Variants in STRA8 observed in about 807,000 individuals in gnomAD.
The protein encoded by STRA8 is stimulated by retinoic acid gene 8 protein homolog.
STRA8 carries 18 observed loss-of-function variants against 37.1 expected under a neutral mutation model. The observed-to-expected ratio is 0.48, with a 90% CI of 0.34 to 0.72. The LOEUF (loss-of-function observed/expected upper bound fraction) is 0.72, where lower values mean the gene tolerates loss of function less well. Among genes scored for constraint, STRA8 ranks in the 30% least tolerant of loss-of-function variants. The probability of loss-of-function intolerance (pLI) is 0.01; values close to 1 mark genes in which losing one functional copy is unlikely to be tolerated. For synonymous variants in STRA8, 168 were observed against 162.9 expected (o/e 1.03, Z -0.24); for missense variants, 357 against 410.4 (o/e 0.87, Z 1.13).
rs372327745 is a variant in STRA8, at chr7:135,246,399, G to A, written c.594-18G>A. 269 of 1,589,674 alleles carry A rather than the reference G, an allele frequency of 1.7e-4. 1 individual carries two copies. Among genetic ancestry groups the A allele is most frequent in the Non-Finnish European group, 2.1e-4 (249 of 1,166,760 alleles). ...GAGGGAGCTTTAGGGGTGCGAGACG[G>A]CGCCGCTTCTGTTCCAGGTATCTCA... On this transcript the variant is annotated intron_variant, in intron 5 of 8. Transcript: ENST00000662584. The surrounding 1 kb of genome is among the most constrained non-coding windows in gnomAD (Gnocchi z 5.4).
chr7:135,251,933 C>T, intron 7 of STRA8, 64 bp downstream of exon 7: 1 of 1,500,254 alleles, frequency 6.7e-7, no homozygotes, highest in Non-Finnish European at 9.3e-7. Flanking sequence ...TGTGTGTGCG[C>T]AGGTGTGTAT....
In STRA8 at chr7:135,240,683, A is replaced by G. The variant is rs1163332913; in HGVS notation, c.159A>G (p.Thr53=). The change falls in exon 2 of 9, where the codon ACA becomes ACG. Residue 53 remains threonine, a synonymous_variant. Transcript: ENST00000662584. ...LAALFNNLRK[T]VYSQSDLIAS... is the part of the protein sequence containing the mutation. ...CGCTCTTCAACAACCTCAGGAAGAC[A>G]GTGTACTCTCAGTCTGATCTCATAG... 6.2e-7 allele frequency: 1 copy of G among 1,613,886 alleles called. No individual in the cohort carries two copies. The highest frequency in any genetic ancestry group is 8.5e-7 in the Non-Finnish European group (1 of 1,179,972).
At chr7:135,240,741 G>C (rs776837782) in intron 2 of STRA8, 25 bp downstream of exon 2, 1 of 1,611,644 alleles carries the variant, frequency 6.2e-7, no homozygotes, top group South Asian at 1.1e-5. Context: ...AGGAGGAGAG[G>C]GGACATCTCC....
At chr7:135,252,982 T>G (rs192772980) in intron 7 of STRA8, among the ~76,000 whole-genome samples, 1 of 152,102 alleles carries the variant, frequency 6.6e-6, no homozygotes, top group Admixed American at 6.5e-5. Context: ...TCACCCAGGC[T>G]GGAGTGCAGT....
intron 2 of STRA8, 147 bp downstream of exon 2, chr7:135,240,863 A>G (rs926246664): frequency 4.6e-6 from 4 of 868,534 alleles, no homozygotes; most frequent in Non-Finnish European, 7.0e-6. Flanking sequence ...AGGGTAATTT[A>G]TAAACAACAG....
intron 1 of STRA8, among the ~76,000 whole-genome samples, chr7:135,236,114 A>G (rs1224623075): frequency 6.9e-6 from 1 of 144,920 alleles, no homozygotes; most frequent in Non-Finnish European, 1.5e-5. Context: ...AAGAAATAGG[A>G]AAAAAAAAAA....
At chr7:135,238,956 C>T (rs1226328520) in intron 1 of STRA8, among the ~76,000 whole-genome samples, 2 of 152,152 alleles carry the variant, frequency 1.3e-5, no homozygotes, top group Non-Finnish European at 2.9e-5. Context: ...GAGACATGCA[C>T]GGACCAGCAT....
chr7:135,232,189 G>A (rs895517053), upstream of STRA8: 4 of 748,788 alleles, frequency 5.3e-6, no homozygotes, highest in African/African-American at 6.9e-5. Flanking sequence ...ACCACTCTGT[G>A]TCATCTTGGT....
chr7:135,248,318 T>G (rs1832594030), intron 6 of STRA8, among the ~76,000 whole-genome samples: 1 of 152,202 alleles, frequency 6.6e-6, no homozygotes, highest in Admixed American at 6.5e-5. Context: ...TTTTTTCACA[T>G]TACTCTGCCC....
At chr7:135,235,925 A>G (rs1832369405) in intron 1 of STRA8, among the ~76,000 whole-genome samples, 1 of 152,088 alleles carries the variant, frequency 6.6e-6, no homozygotes, top group African/African-American at 2.4e-5. Context: ...CCCGGGCAAC[A>G]TAGTGAGACC....
chr7:135,248,248 G>A (rs990653659), intron 6 of STRA8, among the ~76,000 whole-genome samples: 1 of 152,248 alleles, frequency 6.6e-6, no homozygotes, highest in African/African-American at 2.4e-5. Context: ...CTAACCAGCA[G>A]TGTGACTTGC....
chr7:135,258,424 T>A lies in STRA8; in HGVS notation c.1072T>A (p.Ser358Thr). The A allele has an allele frequency of 1.2e-6, 2 of 1,603,452 alleles. No individual in the cohort carries two copies. ...TCCACCCTGTGTCTTGCAGGAAGCA[T>A]CCTTTCCCGTTGATGAAGAGATGAT... ...CANTQVKQEASFPVDEEMIML... is the reference protein window; with the variant it reads ...CANTQVKQEATFPVDEEMIML... Residue 358 changes from serine to threonine, a missense_variant, in exon 9 of 9, where the codon TCC becomes ACC. Physicochemically the swap from Ser to Thr is moderately conservative, Grantham distance 58. Transcript: ENST00000662584.
intron 1 of STRA8, among the ~76,000 whole-genome samples, chr7:135,237,211 G>C (rs1199341894): frequency 6.6e-6 from 1 of 152,192 alleles, no homozygotes; most frequent in East Asian, 1.9e-4. Context: ...GGGAGATTCT[G>C]AGTTTTCAAG....
At chr7:135,235,413 C>T (rs569927947) in intron 1 of STRA8, among the ~76,000 whole-genome samples, 10 of 142,132 alleles carry the variant, frequency 7.0e-5, no homozygotes, top group Admixed American at 5.7e-4. Flanking sequence ...TTTTTTATTG[C>T]TCCAGATACT....
At position 135,240,628 on chromosome 7, in the gene STRA8, C is replaced by A; in HGVS notation, c.104C>A (p.Ser35Tyr). 6.2e-7 allele frequency: 1 copy of A among 1,614,118 alleles called. No individual in the cohort carries two copies. The highest frequency in any genetic ancestry group is 1.6e-4 in the Middle Eastern group (1 of 6,062). Residue 35 changes from serine (S) to tyrosine (Y), a missense_variant, in exon 2 of 9, where the codon TCC becomes TAC. Physicochemically the swap from Ser to Tyr is moderately radical, Grantham distance 144. Coordinates refer to ENST00000662584, the MANE Select transcript of STRA8 (RefSeq NM_001394401.1). ...CATCGGGTGGCCCGGAGACGGCTGT[C>A]CCAGGCCCGCCACCGAGCCACCCTG... is the stretch of plus-strand genomic sequence containing the variant. ...LEHRVARRRL[S>Y]QARHRATLAA... is the part of the protein sequence containing the mutation.
At chr7:135,252,013 A>AGAGTGTGT (rs142941773) in intron 7 of STRA8, 144 bp downstream of exon 7, 8,486 of 504,408 alleles carry the variant, frequency 0.017, 32 homozygotes, top group South Asian at 0.023. Context: ...AGAGAGAGAG[A>AGAGTGTGT]GTGTGTGTGT....
intron 1 of STRA8, among the ~76,000 whole-genome samples, chr7:135,238,438 T>A (rs1832411708): frequency 6.6e-6 from 1 of 152,154 alleles, no homozygotes; most frequent in African/African-American, 2.4e-5. Flanking sequence ...CATCCAGGAA[T>A]TTCAGGCTGA....
chr7:135,245,970 G>T (rs1239551175), intron 5 of STRA8: 2 of 232,972 alleles, frequency 8.6e-6, no homozygotes, highest in Non-Finnish European at 1.7e-5. Flanking sequence ...AAGCCCCTCA[G>T]CAGCCATGTT....
intron 2 of STRA8, 118 bp downstream of exon 2, chr7:135,240,834 A>G: frequency 9.0e-7 from 1 of 1,111,406 alleles, no homozygotes. Flanking sequence ...CTGCTGGGGT[A>G]GCGACAAATG....
Sources: gnomAD v4.1 joint callset for allele counts (sites outside exome capture counted in the v4.1 genomes callset) on GRCh38, gnomAD v4.1.1 for gene constraint, Gnocchi (gnomAD v3.1) non-coding constraint, MANE v1.5 for transcripts, NCBI Gene and HGNC (gene_info 2026-07-23, HGNC 2026-07-21) for gene names.